SNTG1: variants seen among roughly 807,000 people sequenced by gnomAD.
SNTG1 encodes the protein gamma-1-syntrophin.
Under a neutral mutation model 74.7 loss-of-function variants are expected in SNTG1, and 39 were observed. The ratio of observed to expected loss-of-function variants is 0.52; its 90% confidence interval spans 0.40 to 0.68. The LOEUF is 0.68. Ranked by LOEUF, SNTG1 falls within the 30% of genes least tolerant of loss-of-function variation. SNTG1 has a pLI of 0.00. For missense variants in SNTG1, 685 were observed against 609.5 expected (o/e 1.12, Z -1.30); for synonymous variants, 254 against 217.1 (o/e 1.17, Z -1.49).
chr8:50,575,674 T>C (rs753533170), intron 12 of SNTG1: 4 of 152,230 alleles, frequency 2.6e-5, no homozygotes, highest in African/African-American at 9.6e-5. Context: ...GTAGGGCTAG[T>C]GTGCAGGGTC....
At chr8:50,546,685 A>C (rs2094390709) in intron 11 of SNTG1, among the ~76,000 whole-genome samples, 1 of 152,072 alleles carries the variant, frequency 6.6e-6, no homozygotes, top group Admixed American at 6.5e-5. Flanking sequence ...TTCCATCTTC[A>C]TCCATGTCCC....
intron 2 of SNTG1, among the ~76,000 whole-genome samples, chr8:50,180,880 C>T (rs1230914034): frequency 1.3e-5 from 2 of 151,496 alleles, no homozygotes; most frequent in East Asian, 1.9e-4. Flanking sequence ...CCGGCCTCAG[C>T]CTCCCGAGTA....
chr8:50,550,707 A>G (rs1416537089), intron 11 of SNTG1, among the ~76,000 whole-genome samples: 1 of 151,968 alleles, frequency 6.6e-6, no homozygotes, highest in Admixed American at 6.6e-5. Context: ...ATATATATAT[A>G]TGACACATAA....
rs552729087 is a variant in SNTG1, at chr8:50,231,795, A to T, written c.-28+59160A>T. Among the ~76,000 whole-genome samples, 3 of 151,450 alleles carry T rather than the reference A, an allele frequency of 2.0e-5. No individual in the cohort carries two copies. The East Asian group carries it at 5.8e-4, about 29-fold the overall frequency. Reference sequence around the variant, plus strand: ...ATACATTTGCTTTATTTTTTAAATCAGTAGCACAATATGCTGAATATTGTT... The same window carrying T: ...ATACATTTGCTTTATTTTTTAAATCTGTAGCACAATATGCTGAATATTGTT... On this transcript the variant is annotated intron_variant, in intron 2 of 18. Coordinates refer to ENST00000642720, the MANE Select transcript of SNTG1 (RefSeq NM_018967.5).
chr8:50,161,087 A>G (rs1057270314), intron 1 of SNTG1, among the ~76,000 whole-genome samples: 1 of 152,226 alleles, frequency 6.6e-6, no homozygotes, highest in African/African-American at 2.4e-5. Flanking sequence ...AGGACAGTGA[A>G]TATTATTCTA....
intron 1 of SNTG1, among the ~76,000 whole-genome samples, chr8:50,056,603 TA>T (rs1020384961): frequency 1.3e-5 from 2 of 152,194 alleles, no homozygotes; most frequent in African/African-American, 2.4e-5. Flanking sequence ...GCAGGTTTCT[TA>T]ATCACTTCAT....
rs190654391 is a variant in SNTG1 at position 50,406,259 on chromosome 8, C to G, written c.162+3915C>G. Among the ~76,000 whole-genome samples the G allele has an allele frequency of 3.7e-3, 560 of 151,968 alleles. 3 individuals carry two copies. Among genetic ancestry groups the G allele is most frequent in the African/African-American group, 0.012 (498 of 41,456 alleles). On this transcript the variant is annotated intron_variant, in intron 4 of 18. Transcript: ENST00000642720. ...TGTTTTCATGTACAAGTCTTTCAAC[C>G]CCTTGCTTAAGTTAAAACCTTAGTA... is the stretch of plus-strand genomic sequence containing the variant.
intron 1 of SNTG1, among the ~76,000 whole-genome samples, chr8:50,140,436 G>A (rs1053919448): frequency 6.6e-6 from 1 of 152,090 alleles, no homozygotes; most frequent in Non-Finnish European, 1.5e-5. Flanking sequence ...TGTACGGTGT[G>A]TATATGCCTT....
intron 1 of SNTG1, among the ~76,000 whole-genome samples, chr8:49,998,587 G>GACAC (rs56162374): frequency 0.072 from 9,877 of 136,828 alleles, 362 homozygotes; most frequent in Middle Eastern, 0.091. Flanking sequence ...TAAAAATTAA[G>GACAC]ACACACACAC....
chr8:50,652,711 C>T (rs2095155318), intron 13 of SNTG1, among the ~76,000 whole-genome samples: 1 of 152,042 alleles, frequency 6.6e-6, no homozygotes, highest in Non-Finnish European at 1.5e-5. Context: ...GCAGGAGAAT[C>T]ACTTGAACCC....
intron 2 of SNTG1, among the ~76,000 whole-genome samples, chr8:50,278,701 A>T (rs1382205308): frequency 6.6e-6 from 1 of 152,020 alleles, no homozygotes; most frequent in Non-Finnish European, 1.5e-5. Flanking sequence ...TGCTAAAAAA[A>T]AATTTGGAAA....
chr8:50,671,012 C>G (rs1159522905), intron 15 of SNTG1, among the ~76,000 whole-genome samples: 1 of 150,376 alleles, frequency 6.6e-6, no homozygotes, highest in African/African-American at 2.5e-5. Flanking sequence ...GAAACTGGAT[C>G]CCTTCCTTAC....
At chr8:50,368,779 A>T (rs747331257) in intron 2 of SNTG1, among the ~76,000 whole-genome samples, 2 of 152,136 alleles carry the variant, frequency 1.3e-5, no homozygotes, top group Non-Finnish European at 2.9e-5. Context: ...TCTTCTTCAG[A>T]CTTCAGATTT....
intron 1 of SNTG1, among the ~76,000 whole-genome samples, chr8:50,126,674 G>A (rs1221226358): frequency 6.6e-6 from 1 of 151,950 alleles, no homozygotes; most frequent in Non-Finnish European, 1.5e-5. Context: ...AGATCCCAAT[G>A]TTGGTGATTT....
intron 9 of SNTG1, among the ~76,000 whole-genome samples, chr8:50,529,493 T>C (rs1302654014): frequency 6.6e-6 from 1 of 151,996 alleles, no homozygotes; most frequent in Non-Finnish European, 1.5e-5. Flanking sequence ...TAAACATTAG[T>C]AACTTTAAAA....
intron 5 of SNTG1, among the ~76,000 whole-genome samples, chr8:50,449,091 T>A (rs1226365745): frequency 6.6e-6 from 1 of 152,194 alleles, no homozygotes; most frequent in Non-Finnish European, 1.5e-5. Flanking sequence ...TACTTCAATA[T>A]TCTTGGCAGT....
chr8:50,590,204 C>A lies in SNTG1; in HGVS notation c.811-675C>A, dbSNP rs534499576. ...ATAGAGAGTTAGCATGCTTAAGTTT[C>A]TCTACAAAGCTATTGGAAGGTAATT... On this transcript the variant is annotated intron_variant, in intron 12 of 18. Coordinates refer to ENST00000642720, the MANE Select transcript of SNTG1 (RefSeq NM_018967.5). 1.1e-4 allele frequency among the ~76,000 whole-genome samples: 16 copies of A among 152,202 alleles called. No homozygotes were observed. The South Asian group carries it at 3.3e-3, about 32-fold the overall frequency.
At chr8:50,178,843 A>T (rs1031664544) in intron 2 of SNTG1, among the ~76,000 whole-genome samples, 4 of 152,106 alleles carry the variant, frequency 2.6e-5, no homozygotes, top group African/African-American at 9.7e-5. Context: ...TCCTATTTTG[A>T]TGTAGTCATG....
At chr8:50,616,311 G>A (rs796855499) in intron 13 of SNTG1, among the ~76,000 whole-genome samples, 9 of 152,312 alleles carry the variant, frequency 5.9e-5, no homozygotes, top group African/African-American at 2.2e-4. Context: ...TTCTAAGAAA[G>A]AGAAGTCGGT....
Sources: gnomAD v4.1 joint callset for allele counts (sites outside exome capture counted in the v4.1 genomes callset) on GRCh38, gnomAD v4.1.1 for gene constraint, MANE v1.5 for transcripts, NCBI Gene and HGNC (gene_info 2026-07-23, HGNC 2026-07-21) for gene names.